Variants in RC3H1 observed in about 807,000 individuals in gnomAD.
RC3H1 encodes the protein roquin-1.
A neutral mutation model predicts 138.2 loss-of-function variants in RC3H1; 50 were observed. The observed-to-expected ratio is 0.36, with a 90% CI of 0.29 to 0.46. The LOEUF is 0.46. RC3H1 is among the 20% of genes least tolerant of loss of function. The pLI is 1.00. For synonymous variants in RC3H1, 462 were observed against 489.1 expected, an observed-to-expected ratio of 0.94 and a Z score of 0.73; for missense variants, 1,031 against 1,388.1, an observed-to-expected ratio of 0.74 and a Z score of 4.09.
At chr1:174,019,720 G>A (rs1397465787) in intron 1 of RC3H1, among the ~76,000 whole-genome samples, 4 of 151,968 alleles carry the variant, frequency 2.6e-5, no homozygotes, top group Non-Finnish European at 4.4e-5. Flanking sequence ...GAGAAAATGT[G>A]AACTTAAGTA....
At chr1:173,966,088 C>A (rs1660104361) in intron 9 of RC3H1, among the ~76,000 whole-genome samples, 1 of 152,002 alleles carries the variant, frequency 6.6e-6, no homozygotes, top group Non-Finnish European at 1.5e-5. Flanking sequence ...TGCAGTGAGC[C>A]AAGATTGCAC....
At chr1:173,939,845 T>C (rs1218272324) in intron 19 of RC3H1, among the ~76,000 whole-genome samples, 5 of 149,486 alleles carry the variant, frequency 3.3e-5, no homozygotes, top group Admixed American at 6.6e-5. Context: ...AAAAAAAAAA[T>C]AAAAAAGAAT....
intron 2 of RC3H1, among the ~76,000 whole-genome samples, chr1:173,992,394 G>T (rs1445068635): frequency 6.6e-6 from 1 of 151,848 alleles, no homozygotes. Context: ...TGATCCACCC[G>T]CCTTGGCCCT....
chr1:174,022,032 T>C lies in RC3H1; in HGVS notation c.-151+64A>G, dbSNP rs147959026. ...CCTTCCCGACCACAGCTGCCTATTG[T>C]TCCCGACTGAGGCCCCGGCCGCGGC... On this transcript the variant is annotated intron_variant, in intron 1 of 19. Coordinates refer to ENST00000367696, the MANE Select transcript of RC3H1 (RefSeq NM_172071.4). The surrounding 1 kb of genome is among the most constrained non-coding windows in gnomAD (Gnocchi z 4.2). The C allele has an allele frequency of 1.4e-4, 54 of 387,514 alleles. No individual in the cohort carries two copies. Among genetic ancestry groups the C allele is most frequent in the African/African-American group, 9.6e-4 (46 of 48,070 alleles). The allele number at this position is 387,514 out of a possible 1,614,324, so 24.0% of individuals were successfully genotyped here.
intron 13 of RC3H1, among the ~76,000 whole-genome samples, chr1:173,956,683 A>AAG (rs1391084990): frequency 2.6e-5 from 4 of 151,456 alleles, no homozygotes; most frequent in African/African-American, 7.2e-5. Context: ...AAAAAAAAAA[A>AAG]AAAGAAAGAA....
rs1418592637 is a variant in RC3H1 at position 173,941,071 on chromosome 1, C to T, written c.3251+194G>A. On this transcript the variant is annotated intron_variant, in intron 19 of 19. Coordinates refer to ENST00000367696, the MANE Select transcript of RC3H1 (RefSeq NM_172071.4). ...TCTTGACCTCGTGATCTGCCCACCT[C>T]GGCTTCCCAAAATGCTGGATTACAG... Among the ~76,000 whole-genome samples the T allele has an allele frequency of 7.2e-5, 11 of 152,282 alleles. No individual in the cohort carries two copies. In the East Asian group the frequency reaches 1.9e-3, roughly 27 times the overall value.
intron 14 of RC3H1, among the ~76,000 whole-genome samples, chr1:173,948,728 G>A (rs758891723): frequency 4.0e-5 from 6 of 151,680 alleles, no homozygotes; most frequent in South Asian, 2.1e-4. Flanking sequence ...AGCTGGGACC[G>A]GCGTGCACCA....
intron 13 of RC3H1, among the ~76,000 whole-genome samples, chr1:173,955,857 G>T (rs778734007): frequency 6.6e-6 from 1 of 152,054 alleles, no homozygotes; most frequent in Admixed American, 6.6e-5. Context: ...CTGGCCAGGC[G>T]CAGTGGCTCA....
At chr1:174,018,061 A>G (rs529568819) in intron 1 of RC3H1, among the ~76,000 whole-genome samples, 1 of 152,002 alleles carries the variant, frequency 6.6e-6, no homozygotes, top group African/African-American at 2.4e-5. Context: ...AATAAAAATT[A>G]AAAAAAGTAG....
intron 5 of RC3H1, among the ~76,000 whole-genome samples, chr1:173,981,990 A>G (rs1046010325): frequency 5.3e-5 from 8 of 152,214 alleles, no homozygotes; most frequent in Non-Finnish European, 1.2e-4. Context: ...TCAATTTGGG[A>G]TAAGAGACTA....
rs1658493248 is a variant in RC3H1 at position 173,934,261 on chromosome 1, A to G, written c.*4460T>C. ...TTAACAATCTGTACATGTACTGACT[A>G]TAGTTAGTTATTTCTCACCAGTCAC... On this transcript the variant is annotated 3_prime_UTR_variant, in exon 20 of 20. Transcript: ENST00000367696. The G allele has an allele frequency of 6.6e-6, 1 of 152,068 alleles. No homozygotes were observed. Among genetic ancestry groups the G allele is most frequent in the Non-Finnish European group, 1.5e-5 (1 of 67,990 alleles). The allele number at this position is 152,068 out of a possible 1,614,324, so 9.4% of individuals were successfully genotyped here.
intron 10 of RC3H1, 34 bp downstream of exon 10, chr1:173,964,805 A>C (rs1420553554): frequency 6.4e-7 from 1 of 1,560,214 alleles, no homozygotes; most frequent in South Asian, 1.2e-5. Context: ...TATGAAGAAG[A>C]AATTTTGAAA....
In RC3H1 at chr1:173,962,132, G is replaced by A. The variant is rs376056647; in HGVS notation, c.1832-37C>T. ...AAAAGAGGACCCAAAAGCAAATAAT[G>A]AGCCAATTTAGTTTTCTATGTAAGA... On this transcript the variant is annotated intron_variant, in intron 11 of 19. Transcript: ENST00000367696. 1.6e-5 allele frequency: 25 copies of A among 1,537,668 alleles called. No individual in the cohort carries two copies. In the African/African-American group the frequency reaches 2.9e-4, roughly 18 times the overall value.
At chr1:173,975,617 G>GTGAGTTACATAAATTATATTTGAA (rs1170222117) in intron 7 of RC3H1, among the ~76,000 whole-genome samples, 13 of 121,426 alleles carry the variant, frequency 1.1e-4, no homozygotes, top group South Asian at 2.4e-4. Context: ...CAGTAAATTT[G>GTGAGTTACATAAATTATATTTGAA]GCCGGGCGCG....
At chr1:174,008,261 C>T (rs1046167718) in intron 1 of RC3H1, among the ~76,000 whole-genome samples, 2 of 151,946 alleles carry the variant, frequency 1.3e-5, no homozygotes, top group African/African-American at 4.8e-5. Context: ...AATGTATTTC[C>T]CCATAATCTC....
rs535661643 is a variant in RC3H1, at chr1:173,961,735, G to A, written c.2192C>T (p.Ser731Leu). The A allele has an allele frequency of 8.7e-5, 140 of 1,611,078 alleles. No individual in the cohort carries two copies. The highest frequency in any genetic ancestry group is 2.2e-4 in the Middle Eastern group (1 of 4,634). ...AAAAATACAGCATACTCTGAGGTACGAAGGTCTGATCTGAGTTGGATGAGG... is the reference window on the plus strand; with the variant it reads ...AAAAATACAGCATACTCTGAGGTACAAAGGTCTGATCTGAGTTGGATGAGG... ...VAPHPTQIRPSYLREPPYSRL... is the reference protein window; with the variant it reads ...VAPHPTQIRPLYLREPPYSRL... Residue 731 changes from serine to leucine, a missense_variant, in exon 12 of 20, where the codon TCG becomes TTG. Physicochemically the swap from Ser to Leu is moderately radical, Grantham distance 145. This residue lies in a region of RC3H1 where 716 missense variants were observed against 837.9 expected (regional missense o/e 0.85). Transcript: ENST00000367696.
chr1:173,980,881 T>C lies in RC3H1; in HGVS notation c.897A>G (p.Ala299=), dbSNP rs1557941004. Residue 299 remains alanine (A), a synonymous_variant, in exon 6 of 20, where the codon GCA becomes GCG. Transcript: ENST00000367696. ...QIAMEAGLRI[A]PDQWSSLLYG... is the part of the protein sequence containing the mutation. ...AAAGCAAAGAGGACCACTGGTCCGG[T>C]GCAATTCGTAAGCCTGCTTCCATAG... 6.2e-7 allele frequency: 1 copy of C among 1,614,134 alleles called. No homozygotes were observed. Among genetic ancestry groups the C allele is most frequent in the East Asian group, 2.2e-5 (1 of 44,880 alleles).
At position 173,992,303 on chromosome 1, in the gene RC3H1, C is replaced by T. The variant is rs184621003; in HGVS notation, c.231+452G>A. On this transcript the variant is annotated intron_variant, in intron 2 of 19. Transcript: ENST00000367696. ...GGGATTACAGGCACACACCACCACA[C>T]CCAGCTCATTTTTTTGTATTTGTAG... 5.2e-3 allele frequency among the ~76,000 whole-genome samples: 787 copies of T among 152,214 alleles called. 8 individuals carry two copies. Among genetic ancestry groups the T allele is most frequent in the Non-Finnish European group, 4.3e-3 (293 of 68,004 alleles).
At chr1:173,979,746 C>T (rs1023064123) in intron 6 of RC3H1, among the ~76,000 whole-genome samples, 2 of 152,148 alleles carry the variant, frequency 1.3e-5, no homozygotes, top group African/African-American at 2.4e-5. Context: ...TAAGCGTTTC[C>T]GTAAATTATA....
Sources: gnomAD v4.1 joint callset for allele counts (sites outside exome capture counted in the v4.1 genomes callset) on GRCh38, gnomAD v4.1.1 for gene constraint, gnomAD v4.1.1 regional missense constraint, Gnocchi (gnomAD v3.1) non-coding constraint, MANE v1.5 for transcripts, NCBI Gene and HGNC (gene_info 2026-07-23, HGNC 2026-07-21) for gene names.